The following FOXP1 variants were observed in gnomAD, a reference collection of about 807,000 sequenced individuals.
FOXP1 encodes the protein forkhead box protein P1.
Under a neutral mutation model 98.2 loss-of-function variants are expected in FOXP1, and 15 were observed. The observed-to-expected ratio is 0.15, with a 90% confidence interval of 0.10 to 0.24. The LOEUF (loss-of-function observed/expected upper bound fraction) is 0.24, where lower values mean the gene tolerates loss of function less well. Ranked by LOEUF, FOXP1 falls within the 10% of genes least tolerant of loss-of-function variation. FOXP1 has a pLI of 1.00. For missense variants in FOXP1, 633 were observed against 848.5 expected (o/e 0.75, Z 3.15); for synonymous variants, 371 against 314.5 (o/e 1.18, Z -1.90).
At chr3:71,381,270 C>T (rs1340862740) in intron 3 of FOXP1, among the ~76,000 whole-genome samples, 2 of 151,656 alleles carry the variant, frequency 1.3e-5, no homozygotes, top group Non-Finnish European at 2.9e-5. Flanking sequence ...CCTGCCTCAG[C>T]CTCCCCAGTA....
chr3:71,391,255 T>C (rs1344858352), intron 3 of FOXP1, among the ~76,000 whole-genome samples: 3 of 152,244 alleles, frequency 2.0e-5, no homozygotes, highest in Non-Finnish European at 4.4e-5. Flanking sequence ...GAAATCTTTT[T>C]CTTACTGTCT....
intron 6 of FOXP1, among the ~76,000 whole-genome samples, chr3:71,150,168 C>T (rs1197135533): frequency 1.3e-5 from 2 of 152,150 alleles, no homozygotes; most frequent in Non-Finnish European, 2.9e-5. Context: ...CAAAGGAAAG[C>T]CACAAATCGG....
intron 7 of FOXP1, among the ~76,000 whole-genome samples, chr3:71,104,061 T>C (rs1249778960): frequency 6.6e-6 from 1 of 152,126 alleles, no homozygotes; most frequent in African/African-American, 2.4e-5. Flanking sequence ...AGACTCAAAA[T>C]TCCAGGAAGA....
At chr3:71,132,728 A>C (rs923315968) in intron 6 of FOXP1, among the ~76,000 whole-genome samples, 1 of 152,208 alleles carries the variant, frequency 6.6e-6, no homozygotes, top group African/African-American at 2.4e-5. Context: ...TGGATTAAAA[A>C]ATGTACAAAC....
intron 17 of FOXP1, among the ~76,000 whole-genome samples, chr3:70,973,231 A>ACCCCCCGC (rs1559604743): frequency 7.3e-6 from 1 of 136,120 alleles, no homozygotes; most frequent in South Asian, 2.5e-4. Flanking sequence ...TGGTGAACGG[A>ACCCCCCGC]CCCCCCGCCC....
At chr3:71,055,107 CCTGA>C (rs1272144641) in intron 7 of FOXP1, among the ~76,000 whole-genome samples, 2 of 152,158 alleles carry the variant, frequency 1.3e-5, no homozygotes, top group African/African-American at 4.8e-5. Flanking sequence ...TGCAGTTTAT[CCTGA>C]CTTTTTCACA....
At position 71,261,407 on chromosome 3, in the gene FOXP1, T is replaced by TA. The variant is rs534006665; in HGVS notation, c.-12+38412dup. Among the ~76,000 whole-genome samples, 777 of 149,464 alleles carry TA rather than the reference T, an allele frequency of 5.2e-3. 7 individuals carry two copies. The highest frequency in any genetic ancestry group is 0.052 in the Middle Eastern group (15 of 290). On this transcript the variant is annotated intron_variant, in intron 5 of 20. Transcript: ENST00000649528. ...TGTATTATTTTCATATATTTAAATTTAAAAAAAAAACATAAAATTGAGCAA... is the reference window on the plus strand; with the variant it reads ...TGTATTATTTTCATATATTTAAATTTAAAAAAAAAAACATAAAATTGAGCAA...
chr3:71,031,419 A>G (rs1023121011), intron 11 of FOXP1, among the ~76,000 whole-genome samples: 1 of 152,228 alleles, frequency 6.6e-6, no homozygotes, highest in African/African-American at 2.4e-5. Flanking sequence ...CAAGAACACA[A>G]ATAGTTACAC....
chr3:70,966,099 T>C (rs1559580323), intron 19 of FOXP1, 43 bp from the exon 20 acceptor site: 8 of 1,552,070 alleles, frequency 5.2e-6, no homozygotes, highest in East Asian at 2.2e-5. Flanking sequence ...ACAGGGTATG[T>C]AAGACAAGGA....
intron 4 of FOXP1, among the ~76,000 whole-genome samples, chr3:71,328,984 A>AC (rs1270453498): frequency 1.3e-4 from 18 of 134,762 alleles, no homozygotes; most frequent in Non-Finnish European, 2.4e-4. Context: ...TAAAAAAAAA[A>AC]AAAAACAAAA....
chr3:71,345,671 A>G (rs1209858327), intron 4 of FOXP1, among the ~76,000 whole-genome samples: 2 of 151,956 alleles, frequency 1.3e-5, no homozygotes, highest in Admixed American at 6.6e-5. Context: ...TCTCCATTCC[A>G]AAGAGAAGAG....
chr3:71,285,166 G>A (rs1156875749), intron 5 of FOXP1, among the ~76,000 whole-genome samples: 3 of 152,058 alleles, frequency 2.0e-5, no homozygotes, highest in South Asian at 2.1e-4. Flanking sequence ...CAGAAAACAC[G>A]CAGTTCGAAT....
At chr3:71,227,818 G>A (rs1416889970) in intron 5 of FOXP1, among the ~76,000 whole-genome samples, 1 of 151,958 alleles carries the variant, frequency 6.6e-6, no homozygotes, top group Non-Finnish European at 1.5e-5. Flanking sequence ...CTATTCATCG[G>A]CAAGATTTTA....
intron 20 of FOXP1, among the ~76,000 whole-genome samples, chr3:70,960,894 T>C (rs914799540): frequency 1.3e-5 from 2 of 149,510 alleles, no homozygotes; most frequent in African/African-American, 5.0e-5. Flanking sequence ...CAGGCTGGAG[T>C]GCAGTGGCGT....
intron 3 of FOXP1, among the ~76,000 whole-genome samples, chr3:71,411,309 G>GTGTGTGTGTGTGTGTGTGTGTGTGTT (rs1560446775): frequency 1.1e-4 from 15 of 133,618 alleles, no homozygotes; most frequent in Admixed American, 3.6e-4. Context: ...GTGTGTGTGT[G>GTGTGTGTGTGTGTGTGTGTGTGTGTT]TGTGTGTGTA....
chr3:71,573,009 A>C (rs2047452884), intron 2 of FOXP1, among the ~76,000 whole-genome samples: 1 of 152,250 alleles, frequency 6.6e-6, no homozygotes, highest in African/African-American at 2.4e-5. Context: ...GACACTGGTT[A>C]CAAATACTGA....
chr3:71,179,303 G>T (rs545142394), intron 6 of FOXP1, among the ~76,000 whole-genome samples: 1 of 151,732 alleles, frequency 6.6e-6, no homozygotes, highest in Non-Finnish European at 1.5e-5. Flanking sequence ...TAATTTTTTT[G>T]TATTTTTAGT....
intron 7 of FOXP1, among the ~76,000 whole-genome samples, chr3:71,058,704 A>C (rs1220714456): frequency 1.3e-5 from 2 of 152,124 alleles, no homozygotes; most frequent in Non-Finnish European, 2.9e-5. Flanking sequence ...CCCTGTGGAA[A>C]ACAAGTTTTC....
intron 20 of FOXP1, among the ~76,000 whole-genome samples, chr3:70,962,945 A>T (rs903900148): frequency 2.0e-5 from 3 of 152,232 alleles, no homozygotes; most frequent in African/African-American, 7.2e-5. Context: ...ACAACATCAG[A>T]GAATATTTCG....
Sources: gnomAD v4.1 joint callset for allele counts (sites outside exome capture counted in the v4.1 genomes callset) on GRCh38, gnomAD v4.1.1 for gene constraint, MANE v1.5 for transcripts, NCBI Gene and HGNC (gene_info 2026-07-23, HGNC 2026-07-21) for gene names.